The following ITGA4 variants were observed in gnomAD, a reference collection of about 807,000 sequenced individuals.
ITGA4 encodes integrin subunit alpha 4.
In ITGA4, 63 loss-of-function variants were observed where a neutral mutation model predicts 133.6. The ratio of observed to expected loss-of-function variants is 0.47; its 90% confidence interval spans 0.38 to 0.58. The LOEUF (loss-of-function observed/expected upper bound fraction) is 0.58. ITGA4 is among the 20% of genes least tolerant of loss of function. The pLI is 0.00. For synonymous variants in ITGA4, 483 were observed against 438.0 expected (o/e 1.10, Z -1.28); for missense variants, 1,076 against 1,252.7 (o/e 0.86, Z 2.13).
At position 181,495,433 on chromosome 2, in the gene ITGA4, T is replaced by A; in HGVS notation, c.1385+17T>A. ...CTTGCTAAGGTAAGACTGATATATT[T>A]CACTGCTTAATTGCAATTTGGTTTA... is the stretch of plus-strand genomic sequence containing the variant. On this transcript the variant is annotated intron_variant, in intron 13 of 27. Transcript: ENST00000397033. The surrounding 1 kb of genome is among the most constrained non-coding windows in gnomAD (Gnocchi z 4.3). The A allele has an allele frequency of 6.3e-7, 1 of 1,585,678 alleles. No individual in the cohort carries two copies. The highest frequency in any genetic ancestry group is 8.7e-7 in the Non-Finnish European group (1 of 1,154,348).
chr2:181,503,635 C>A (rs1686332428), intron 15 of ITGA4, among the ~76,000 whole-genome samples: 1 of 134,194 alleles, frequency 7.5e-6, no homozygotes. Flanking sequence ...TTATGCCAAG[C>A]TTTAATTTTG....
At chr2:181,483,335 T>A (rs1003370207) in intron 9 of ITGA4, among the ~76,000 whole-genome samples, 1 of 152,176 alleles carries the variant, frequency 6.6e-6, no homozygotes, top group African/African-American at 2.4e-5. Context: ...TGGCGTTAAG[T>A]CAAAACAAAA....
At chr2:181,526,973 AG>A (rs1239833122) in intron 21 of ITGA4, among the ~76,000 whole-genome samples, 1 of 151,124 alleles carries the variant, frequency 6.6e-6, no homozygotes, top group African/African-American at 2.4e-5. Context: ...CTGGTACTAC[AG>A]GCACACGCCA....
intron 16 of ITGA4, among the ~76,000 whole-genome samples, chr2:181,511,205 C>G (rs1157302977): frequency 6.6e-6 from 1 of 151,498 alleles, no homozygotes; most frequent in Non-Finnish European, 1.5e-5. Flanking sequence ...ATTCTGAAAC[C>G]CTTACTTATT....
intron 15 of ITGA4, among the ~76,000 whole-genome samples, chr2:181,502,759 T>C (rs1204100082): frequency 6.6e-6 from 1 of 152,036 alleles, no homozygotes; most frequent in Admixed American, 6.6e-5. Context: ...TCAGATGGTG[T>C]TTGGGACCAC....
chr2:181,537,764 CTAAAAACAGAATTTGAATTGATATT>C lies in ITGA4; in HGVS notation c.*2239_*2263del, dbSNP rs1559064699. 4 of 449,058 alleles carry C rather than the reference CTAAAAACAGAATTTGAATTGATATT, an allele frequency of 8.9e-6. No homozygotes were observed. Among genetic ancestry groups the C allele is most frequent in the African/African-American group, 2.0e-5 (1 of 49,752 alleles). The allele number at this position is 449,058 out of a possible 1,614,324, so 27.8% of individuals were successfully genotyped here. On this transcript the variant is annotated 3_prime_UTR_variant, in exon 28 of 28. Coordinates refer to ENST00000397033, the MANE Select transcript of ITGA4 (RefSeq NM_000885.6). ...TAAAAAAAAGAATTTGAATTGATAT[CTAAAAACAGAATTTGAATTGATATT>C]TCATCTTGACTTTTAAAGCCCTAGA...
chr2:181,475,288 G>GGT lies in ITGA4; in HGVS notation c.556+1_556+2dup, dbSNP rs1199682607. The GGT allele has an allele frequency of 6.2e-7, 1 of 1,609,020 alleles. No homozygotes were observed. The highest frequency in any genetic ancestry group is 2.2e-5 in the East Asian group (1 of 44,852). On this transcript the variant is annotated frameshift_variant and splice_region_variant. Coordinates refer to ENST00000397033, the MANE Select transcript of ITGA4 (RefSeq NM_000885.6). LOFTEE classifies it high-confidence loss of function. ...TAAAAGAATAGCTCCGTGTTATCAA[G>GGT]GTAAGGCATGATTTTGATACGAATT...
chr2:181,466,306 T>C (rs1423858493), intron 2 of ITGA4, among the ~76,000 whole-genome samples: 1 of 151,868 alleles, frequency 6.6e-6, no homozygotes, highest in Non-Finnish European at 1.5e-5. Context: ...TAAAAAAAAA[T>C]AGCTGAAATA....
Position 181,481,640 on chromosome 2 carries a change from C to A in ITGA4, c.797C>A (p.Thr266Asn), listed in dbSNP as rs779204464. Residue 266 changes from threonine (T) to asparagine (N), a missense_variant, in exon 7 of 28, where the codon ACC becomes AAC. By Grantham distance (65) the Thr-to-Asn change is moderately conservative (BLOSUM62 0). Coordinates refer to ENST00000397033, the MANE Select transcript of ITGA4 (RefSeq NM_000885.6). Reference sequence around the variant, plus strand: ...GGTCATTTTCGGAGCCAGCATACTACCGAAGTAGTCGGAGGAGCTCCTCAA... The same window carrying A: ...GGTCATTTTCGGAGCCAGCATACTAACGAAGTAGTCGGAGGAGCTCCTCAA... ...GAGHFRSQHTTEVVGGAPQHE... is the reference protein window; with the variant it reads ...GAGHFRSQHTNEVVGGAPQHE... The A allele has an allele frequency of 6.3e-7, 1 of 1,599,510 alleles. No individual in the cohort carries two copies. Among genetic ancestry groups the A allele is most frequent in the Non-Finnish European group, 8.6e-7 (1 of 1,169,172 alleles).
In ITGA4 at chr2:181,516,145, C is replaced by T. The variant is rs531957077; in HGVS notation, c.1922+4370C>T. On this transcript the variant is annotated intron_variant, in intron 17 of 27. Transcript: ENST00000397033. The surrounding 1 kb of genome is among the most constrained non-coding windows in gnomAD (Gnocchi z 4.0). ...AAATATAATAGAAGGTATTAGCCAT[C>T]ACATAGGGAGTTTAAAATCAAATCC... Among the ~76,000 whole-genome samples, 1 of 152,136 alleles carries T rather than the reference C, an allele frequency of 6.6e-6. No individual in the cohort carries two copies. The highest frequency in any genetic ancestry group is 2.1e-4 in the South Asian group (1 of 4,820).
chr2:181,528,879 A>G (rs189681427), intron 22 of ITGA4, among the ~76,000 whole-genome samples: 1 of 152,242 alleles, frequency 6.6e-6, no homozygotes, highest in East Asian at 1.9e-4. Flanking sequence ...TCAATCCCCA[A>G]ATTTATCATC....
chr2:181,475,408 T>C (rs1415280156), intron 4 of ITGA4, 120 bp downstream of exon 4: 23 of 793,928 alleles, frequency 2.9e-5, no homozygotes, highest in Non-Finnish European at 4.4e-5. Context: ...AGTAATTATG[T>C]TCTTTTTAAC....
chr2:181,498,393 T>C (rs560814844), intron 14 of ITGA4: 179 of 270,696 alleles, frequency 6.6e-4, no homozygotes, highest in Admixed American at 2.8e-3. Flanking sequence ...ATGTTGTTAA[T>C]AGAAACCTAG....
chr2:181,463,836 C>T (rs1685347682), intron 2 of ITGA4, among the ~76,000 whole-genome samples: 1 of 152,104 alleles, frequency 6.6e-6, no homozygotes, highest in African/African-American at 2.4e-5. Context: ...ATTACCATCT[C>T]TCTGGGGTAA....
intron 15 of ITGA4, among the ~76,000 whole-genome samples, chr2:181,499,332 T>C (rs1038873345): frequency 6.6e-6 from 1 of 152,176 alleles, no homozygotes; most frequent in African/African-American, 2.4e-5. Flanking sequence ...GTTTGGGGTA[T>C]GTCCTGCCAA....
intron 2 of ITGA4, among the ~76,000 whole-genome samples, chr2:181,465,372 C>T (rs1402618166): frequency 3.9e-5 from 6 of 152,028 alleles, no homozygotes; most frequent in African/African-American, 1.4e-4. Flanking sequence ...ATTTTTAAGC[C>T]TTCCTATCTT....
At position 181,527,452 on chromosome 2, in the gene ITGA4, C is replaced by T. The variant is rs1190350050; in HGVS notation, c.2430+65C>T. On this transcript the variant is annotated intron_variant, in intron 22 of 27. Transcript: ENST00000397033. ...AAAGGATGTCACTGATGCATTGCTC[C>T]AAGGGACATTGTACACCTATGACGT... 3 of 1,094,178 alleles carry T rather than the reference C, an allele frequency of 2.7e-6. No individual in the cohort carries two copies. In the African/African-American group the frequency reaches 4.6e-5, roughly 17 times the overall value. The allele number at this position is 1,094,178 out of a possible 1,614,324, so 67.8% of individuals were successfully genotyped here. A position where few individuals can be genotyped will look rare whatever the true frequency, so the allele number is the denominator to read the frequency against.
Position 181,495,412 on chromosome 2 carries a change from C to A in ITGA4, c.1381C>A (p.Leu461Ile). The change falls in exon 13 of 28, where the codon CTA (leucine) becomes ATA (isoleucine). Residue 461 changes from leucine (L) to isoleucine (I), a missense_variant. Around this residue, in one of 4 missense-constraint regions of ITGA4, gnomAD observed 436 missense variants for 590.7 expected, o/e 0.74. Transcript: ENST00000397033. This position sits in a 1 kb window ranked among gnomAD's most constrained non-coding sequence, Gnocchi z 4.3. ...TTTTCGGTCTGATTCTGCTGTCTTGCTAAGGTAAGACTGATATATTTCACT... is the reference window on the plus strand; with the variant it reads ...TTTTCGGTCTGATTCTGCTGTCTTGATAAGGTAAGACTGATATATTTCACT... ...GAFRSDSAVLLRTRPVVIVDA... is the reference protein window; with the variant it reads ...GAFRSDSAVLIRTRPVVIVDA... The A allele has an allele frequency of 6.2e-7, 1 of 1,607,200 alleles. No homozygotes were observed.
At chr2:181,482,480 T>C (rs1685829086) in intron 8 of ITGA4, 34 bp from the exon 9 acceptor site, 3 of 1,613,520 alleles carry the variant, frequency 1.9e-6, no homozygotes, top group Non-Finnish European at 2.5e-6. Flanking sequence ...CCTGCTTTTT[T>C]CTCAATGAGT....
Sources: gnomAD v4.1 joint callset for allele counts (sites outside exome capture counted in the v4.1 genomes callset) on GRCh38, gnomAD v4.1.1 for gene constraint, gnomAD v4.1.1 regional missense constraint, Gnocchi (gnomAD v3.1) non-coding constraint, MANE v1.5 for transcripts, NCBI Gene and HGNC (gene_info 2026-07-23, HGNC 2026-07-21) for gene names.